POU2AF2: variants seen among roughly 807,000 people sequenced by gnomAD.
POU2AF2 encodes POU domain class 2-associating factor 2.
the POU2AF2 span, among the ~76,000 whole-genome samples, chr11:111,261,273 AC>A: frequency 7.2e-6 from 1 of 138,862 alleles, no homozygotes; most frequent in East Asian, 2.3e-4. Flanking sequence ...ACACACACAC[AC>A]ACACACACAC....
At chr11:111,284,267 GACT>G in the POU2AF2 span, 5 of 1,614,016 alleles carry the variant, frequency 3.1e-6, no homozygotes, top group Non-Finnish European at 4.2e-6. Flanking sequence ...GCCCTACGGA[GACT>G]ACCGGCCTCC....
At chr11:111,250,318 T>C in the POU2AF2 span, among the ~76,000 whole-genome samples, 2 of 152,162 alleles carry the variant, frequency 1.3e-5, no homozygotes, top group East Asian at 3.8e-4. Context: ...CATTCTAGAA[T>C]CTATCCTCAG....
chr11:111,258,243 G>A, the POU2AF2 span, among the ~76,000 whole-genome samples: 1 of 152,198 alleles, frequency 6.6e-6, no homozygotes, highest in South Asian at 2.1e-4. Flanking sequence ...CACGCGGGTT[G>A]CTTGACCACA....
chr11:111,267,736 C>G, the POU2AF2 span, among the ~76,000 whole-genome samples: 1 of 152,118 alleles, frequency 6.6e-6, no homozygotes, highest in Admixed American at 6.5e-5. Context: ...GCTCTCCCAG[C>G]CCCCGTGGTG....
At chr11:111,260,029 C>A in the POU2AF2 span, among the ~76,000 whole-genome samples, 1 of 152,210 alleles carries the variant, frequency 6.6e-6, no homozygotes, top group African/African-American at 2.4e-5. Flanking sequence ...TCAAGGATAT[C>A]ATATGCATTA....
At chr11:111,251,231 A>G in the POU2AF2 span, among the ~76,000 whole-genome samples, 3 of 152,202 alleles carry the variant, frequency 2.0e-5, no homozygotes, top group Non-Finnish European at 4.4e-5. Flanking sequence ...TGTATTTTGT[A>G]GGTAGCACCA....
the POU2AF2 span, among the ~76,000 whole-genome samples, chr11:111,259,398 C>G: frequency 6.6e-6 from 1 of 151,396 alleles, no homozygotes; most frequent in Admixed American, 6.6e-5. Flanking sequence ...TCACTGCAAC[C>G]TCTGCCTCCC....
At chr11:111,247,656 G>A in the POU2AF2 span, among the ~76,000 whole-genome samples, 392 of 151,626 alleles carry the variant, frequency 2.6e-3, 3 homozygotes, top group African/African-American at 8.6e-3. Context: ...GCGTGGTGGC[G>A]GGCGCCTATA....
the POU2AF2 span, among the ~76,000 whole-genome samples, chr11:111,257,618 C>T: frequency 6.6e-6 from 1 of 152,130 alleles, no homozygotes; most frequent in African/African-American, 2.4e-5. Context: ...TCATGATCCA[C>T]CTGCCTCGGC....
chr11:111,281,656 C>A, the POU2AF2 span, among the ~76,000 whole-genome samples: 2 of 152,150 alleles, frequency 1.3e-5, no homozygotes, highest in Admixed American at 6.5e-5. Context: ...TTATCCCAAG[C>A]TTTTGGGGCA....
At chr11:111,268,407 T>C in the POU2AF2 span, among the ~76,000 whole-genome samples, 2 of 152,088 alleles carry the variant, frequency 1.3e-5, no homozygotes, top group African/African-American at 2.4e-5. Context: ...TTGTTGTGTC[T>C]CCCTGGGCAC....
At chr11:111,282,613 G>A in the POU2AF2 span, among the ~76,000 whole-genome samples, 8 of 152,350 alleles carry the variant, frequency 5.3e-5, no homozygotes, top group Non-Finnish European at 1.2e-4. Flanking sequence ...TGACTGGAAA[G>A]ATCATTGTGA....
At chr11:111,276,561 G>T in the POU2AF2 span, among the ~76,000 whole-genome samples, 2 of 144,830 alleles carry the variant, frequency 1.4e-5, no homozygotes, top group African/African-American at 5.1e-5. Flanking sequence ...AGAATCGCTT[G>T]AACCCAGGAG....
At chr11:111,262,769 T>C in the POU2AF2 span, among the ~76,000 whole-genome samples, 20 of 152,360 alleles carry the variant, frequency 1.3e-4, no homozygotes, top group South Asian at 2.7e-3. Flanking sequence ...AAGATTTCTC[T>C]AGTTTCTGTG....
At chr11:111,255,673 A>G in the POU2AF2 span, among the ~76,000 whole-genome samples, 2 of 152,224 alleles carry the variant, frequency 1.3e-5, no homozygotes, top group Admixed American at 6.5e-5. Flanking sequence ...ACTTGTGATT[A>G]AAGCATAATT....
chr11:111,249,339 A>G, the POU2AF2 span, among the ~76,000 whole-genome samples: 1 of 152,228 alleles, frequency 6.6e-6, no homozygotes. Flanking sequence ...GGGAGGTAGG[A>G]TAAGTTATGA....
chr11:111,264,582 G>A, the POU2AF2 span, among the ~76,000 whole-genome samples: 61 of 138,788 alleles, frequency 4.4e-4, 10 homozygotes, highest in South Asian at 1.4e-3. Flanking sequence ...GAAAGGGAGA[G>A]AGAAAGACAG....
At chr11:111,275,149 T>G in the POU2AF2 span, among the ~76,000 whole-genome samples, 1 of 152,216 alleles carries the variant, frequency 6.6e-6, no homozygotes, top group Non-Finnish European at 1.5e-5. Flanking sequence ...TTGTGCTGTG[T>G]TAAAACCAGG....
the POU2AF2 span, among the ~76,000 whole-genome samples, chr11:111,256,866 G>A: frequency 9.9e-5 from 15 of 152,234 alleles, no homozygotes; most frequent in Non-Finnish European, 1.9e-4. Context: ...ACCCAACAGA[G>A]ATAACTTAAA....
Sources: gnomAD v4.1 joint callset for allele counts (sites outside exome capture counted in the v4.1 genomes callset) on GRCh38, gnomAD v4.1.1 for gene constraint, MANE v1.5 for transcripts, NCBI Gene and HGNC (gene_info 2026-07-23, HGNC 2026-07-21) for gene names.